Variants in ENTREP2 observed in about 807,000 individuals in gnomAD.
ENTREP2 encodes endosomal transmembrane epsin interactor 2.
the ENTREP2 span, among the ~76,000 whole-genome samples, chr15:29,669,812 A>T: frequency 2.6e-5 from 4 of 152,320 alleles, no homozygotes; most frequent in East Asian, 3.9e-4. Flanking sequence ...TGACATGCTC[A>T]TTTCAATGAT....
At chr15:29,123,726 G>A in the ENTREP2 span, 1 of 1,444,494 alleles carries the variant, frequency 6.9e-7, no homozygotes, top group African/African-American at 1.4e-5. Flanking sequence ...GCAAAGAAAA[G>A]CCTGCTCGGG....
chr15:29,635,374 G>A, the ENTREP2 span, among the ~76,000 whole-genome samples: 3 of 152,174 alleles, frequency 2.0e-5, no homozygotes, highest in Non-Finnish European at 4.4e-5. Context: ...TCATGTGCCA[G>A]GAAACGGGGT....
the ENTREP2 span, among the ~76,000 whole-genome samples, chr15:29,220,009 T>C: frequency 1.5e-4 from 23 of 151,988 alleles, no homozygotes; most frequent in South Asian, 2.3e-3. Context: ...CAATAACTTA[T>C]GGAAAAATAA....
At chr15:29,314,289 A>G in the ENTREP2 span, among the ~76,000 whole-genome samples, 1 of 152,224 alleles carries the variant, frequency 6.6e-6, no homozygotes, top group Non-Finnish European at 1.5e-5. Context: ...GTAAAACGCT[A>G]TCAAACAGCA....
the ENTREP2 span, among the ~76,000 whole-genome samples, chr15:29,157,817 C>T: frequency 6.6e-6 from 1 of 151,788 alleles, no homozygotes; most frequent in Non-Finnish European, 1.5e-5. Flanking sequence ...GCAACTTCCA[C>T]CTCCCAACTT....
At chr15:29,166,690 C>T in the ENTREP2 span, among the ~76,000 whole-genome samples, 1 of 152,038 alleles carries the variant, frequency 6.6e-6, no homozygotes. Context: ...TAAATTGAAA[C>T]ACATCCCAGG....
the ENTREP2 span, among the ~76,000 whole-genome samples, chr15:29,549,512 C>T: frequency 6.6e-6 from 1 of 152,088 alleles, no homozygotes. Flanking sequence ...CCTCGTGATC[C>T]GCCCGCCTCG....
chr15:29,459,218 T>C, the ENTREP2 span, among the ~76,000 whole-genome samples: 2 of 152,328 alleles, frequency 1.3e-5, no homozygotes, highest in East Asian at 3.9e-4. Context: ...CTGGTCCTTC[T>C]GAGCAACCCA....
chr15:29,438,526 G>A, the ENTREP2 span, among the ~76,000 whole-genome samples: 406 of 152,048 alleles, frequency 2.7e-3, 22 homozygotes, highest in East Asian at 0.075. Context: ...TGGAAATGCC[G>A]CAGCTGACCA....
At chr15:29,229,385 G>A in the ENTREP2 span, among the ~76,000 whole-genome samples, 1 of 152,062 alleles carries the variant, frequency 6.6e-6, no homozygotes. Flanking sequence ...AACATGCTCA[G>A]TTTTGAACCT....
At chr15:29,562,659 G>C in the ENTREP2 span, among the ~76,000 whole-genome samples, 1 of 152,178 alleles carries the variant, frequency 6.6e-6, no homozygotes, top group Non-Finnish European at 1.5e-5. Context: ...TATTAGCATA[G>C]AATTTGGCTA....
chr15:29,366,283 C>T, the ENTREP2 span, among the ~76,000 whole-genome samples: 1 of 152,160 alleles, frequency 6.6e-6, no homozygotes, highest in Non-Finnish European at 1.5e-5. Flanking sequence ...CCATATTGGC[C>T]AGGCTGGTCT....
the ENTREP2 span, among the ~76,000 whole-genome samples, chr15:29,382,068 G>C: frequency 1.3e-5 from 2 of 152,086 alleles, no homozygotes; most frequent in South Asian, 4.2e-4. Flanking sequence ...TAGGTGGCCC[G>C]AGAGTGACAG....
At chr15:29,123,792 T>A in the ENTREP2 span, 2 of 834,664 alleles carry the variant, frequency 2.4e-6, no homozygotes, top group Non-Finnish European at 3.6e-6. Context: ...GGGCATGCCC[T>A]GCTGTCCCCA....
At chr15:29,504,422 C>G in the ENTREP2 span, among the ~76,000 whole-genome samples, 8 of 152,142 alleles carry the variant, frequency 5.3e-5, no homozygotes, top group Non-Finnish European at 1.2e-4. Context: ...TGTTTTGAAA[C>G]ATGCACACAA....
the ENTREP2 span, among the ~76,000 whole-genome samples, chr15:29,133,542 C>T: frequency 0.95 from 144,346 of 152,254 alleles, 68,916 homozygotes; most frequent in East Asian, 1. Context: ...TCTGCCAAGG[C>T]CACCAGCAGC....
chr15:29,130,586 A>AC, the ENTREP2 span, among the ~76,000 whole-genome samples: 5 of 152,230 alleles, frequency 3.3e-5, no homozygotes, highest in African/African-American at 1.2e-4. Context: ...AAGAAAATAT[A>AC]CAGTGGGACA....
chr15:29,176,583 C>T, the ENTREP2 span, among the ~76,000 whole-genome samples: 1 of 152,148 alleles, frequency 6.6e-6, no homozygotes, highest in Non-Finnish European at 1.5e-5. Context: ...AGAGAAGCCC[C>T]CAGGAAGTGT....
the ENTREP2 span, among the ~76,000 whole-genome samples, chr15:29,541,067 G>A: frequency 1.3e-5 from 2 of 152,198 alleles, no homozygotes; most frequent in African/African-American, 2.4e-5. Context: ...TCATCGCTAT[G>A]GCTCGGGGCC....
Sources: gnomAD v4.1 joint callset for allele counts (sites outside exome capture counted in the v4.1 genomes callset) on GRCh38, gnomAD v4.1.1 for gene constraint, MANE v1.5 for transcripts, NCBI Gene and HGNC (gene_info 2026-07-23, HGNC 2026-07-21) for gene names.